The following KHDRBS2 variants were observed in gnomAD, a reference collection of about 807,000 sequenced individuals.
KHDRBS2 encodes the protein KH RNA binding domain containing, signal transduction associated 2, also known as KH domain-containing, RNA-binding, signal transduction-associated protein 2.
A neutral mutation model predicts 44.3 loss-of-function variants in KHDRBS2; 26 were observed. The observed-to-expected ratio is 0.59, with a 90% CI of 0.43 to 0.81. The LOEUF is 0.81. KHDRBS2 is among the 40% of genes least tolerant of loss of function. KHDRBS2 has a pLI of 0.00. For synonymous variants in KHDRBS2, 194 were observed against 151.1 expected, an observed-to-expected ratio of 1.28 and a Z score of -2.08; for missense variants, 476 against 433.1, an observed-to-expected ratio of 1.10 and a Z score of -0.88.
At chr6:61,990,441 C>T (rs1775912958) in intron 3 of KHDRBS2, among the ~76,000 whole-genome samples, 1 of 151,902 alleles carries the variant, frequency 6.6e-6, no homozygotes, top group East Asian at 1.9e-4. Flanking sequence ...TTATTTAATT[C>T]CACACTTAAT....
intron 1 of KHDRBS2, among the ~76,000 whole-genome samples, chr6:62,283,867 A>G (rs1842124624): frequency 6.6e-6 from 1 of 152,054 alleles, no homozygotes; most frequent in South Asian, 2.1e-4. Context: ...CTCTTTAGGT[A>G]CTCCAAGATT....
the KHDRBS2 span, among the ~76,000 whole-genome samples, chr6:61,633,878 G>T: frequency 6.6e-6 from 1 of 151,872 alleles, no homozygotes; most frequent in Admixed American, 6.6e-5. Flanking sequence ...TCTCAAAAAG[G>T]ACTTACATAA....
chr6:62,176,827 T>A (rs209016), intron 2 of KHDRBS2, among the ~76,000 whole-genome samples: 1 of 151,096 alleles, frequency 6.6e-6, no homozygotes, highest in Non-Finnish European at 1.5e-5. Flanking sequence ...TATTTAGTAT[T>A]ATTAACTCTA....
intron 2 of KHDRBS2, among the ~76,000 whole-genome samples, chr6:62,120,185 A>T (rs958453028): frequency 5.3e-5 from 8 of 152,182 alleles, no homozygotes; most frequent in African/African-American, 1.9e-4. Context: ...AAATAGGAAT[A>T]AAAAGGTGGC....
the KHDRBS2 span, among the ~76,000 whole-genome samples, chr6:61,654,339 T>C: frequency 6.6e-6 from 1 of 151,916 alleles, no homozygotes; most frequent in Non-Finnish European, 1.5e-5. Context: ...ATCTCAGGAA[T>C]ATAGTGCAGA....
intron 2 of KHDRBS2, among the ~76,000 whole-genome samples, chr6:62,088,138 C>T (rs1370062531): frequency 3.3e-5 from 5 of 152,152 alleles, no homozygotes; most frequent in African/African-American, 1.2e-4. Context: ...TGGGTTAGAA[C>T]ATGCTCCTTT....
At chr6:62,281,428 T>C (rs1585604024) in intron 1 of KHDRBS2, among the ~76,000 whole-genome samples, 1 of 152,078 alleles carries the variant, frequency 6.6e-6, no homozygotes, top group East Asian at 1.9e-4. Flanking sequence ...GAGACCAGCC[T>C]GGCCAACATG....
intron 2 of KHDRBS2, among the ~76,000 whole-genome samples, chr6:62,153,842 G>T (rs969858447): frequency 4.6e-5 from 7 of 152,050 alleles, no homozygotes; most frequent in Non-Finnish European, 8.8e-5. Context: ...CTCCATCCAG[G>T]CTTTGCCTAA....
intron 6 of KHDRBS2, among the ~76,000 whole-genome samples, chr6:61,894,226 C>T (rs1049043413): frequency 3.3e-5 from 5 of 152,060 alleles, no homozygotes; most frequent in African/African-American, 4.8e-5. Flanking sequence ...ACCAGCCACA[C>T]GGTCTTACAA....
chr6:61,676,090 T>TA (rs1465985792), downstream of KHDRBS2, among the ~76,000 whole-genome samples: 1 of 151,808 alleles, frequency 6.6e-6, no homozygotes, highest in East Asian at 2.0e-4. Flanking sequence ...TGTTTCCTGA[T>TA]ACTGACAAGA....
the KHDRBS2 span, among the ~76,000 whole-genome samples, chr6:61,556,655 A>G: frequency 6.6e-6 from 1 of 152,090 alleles, no homozygotes; most frequent in Non-Finnish European, 1.5e-5. Context: ...TCAGGAAAAT[A>G]TGGAGTTTAA....
intron 1 of KHDRBS2, among the ~76,000 whole-genome samples, chr6:62,180,650 T>A (rs1186345094): frequency 6.6e-6 from 1 of 151,818 alleles, no homozygotes; most frequent in Admixed American, 6.6e-5. Context: ...TCAATCTCTG[T>A]CAAAATCCCA....
intron 1 of KHDRBS2, among the ~76,000 whole-genome samples, chr6:62,266,819 T>C (rs1284445253): frequency 1.3e-5 from 2 of 152,018 alleles, no homozygotes; most frequent in African/African-American, 4.8e-5. Context: ...CTCCGAGGAT[T>C]AGTAGAGTTT....
At chr6:62,199,253 G>C (rs1409849095) in intron 1 of KHDRBS2, among the ~76,000 whole-genome samples, 1 of 152,096 alleles carries the variant, frequency 6.6e-6, no homozygotes, top group Admixed American at 6.6e-5. Flanking sequence ...TCAGGCAGGA[G>C]AAGGAAATAA....
intron 6 of KHDRBS2, among the ~76,000 whole-genome samples, chr6:61,840,632 C>T: frequency 2.0e-5 from 3 of 151,906 alleles, no homozygotes; most frequent in Admixed American, 2.0e-4. Flanking sequence ...GAGAGAGGGA[C>T]AGTGACATTT....
intron 6 of KHDRBS2, among the ~76,000 whole-genome samples, chr6:61,799,412 TTAA>T (rs1331166952): frequency 6.6e-6 from 1 of 151,968 alleles, no homozygotes; most frequent in Non-Finnish European, 1.5e-5. Context: ...CATGATTTTG[TTAA>T]TAATGTATAT....
chr6:61,784,772 C>T (rs1172700072), intron 6 of KHDRBS2, among the ~76,000 whole-genome samples: 4 of 151,972 alleles, frequency 2.6e-5, no homozygotes, highest in Admixed American at 2.0e-4. Context: ...TACATGTATC[C>T]GTACAGTAAT....
chr6:61,648,995 G>T, the KHDRBS2 span, among the ~76,000 whole-genome samples: 1 of 152,058 alleles, frequency 6.6e-6, no homozygotes, highest in South Asian at 2.1e-4. Context: ...TTTTGTAGGG[G>T]ATTTTGTGGT....
chr6:62,231,167 A>G, intron 1 of KHDRBS2, among the ~76,000 whole-genome samples: 1 of 152,210 alleles, frequency 6.6e-6, no homozygotes, highest in Non-Finnish European at 1.5e-5. Context: ...AGAGATCCAA[A>G]TGTACACACA....
Sources: allele counts gnomAD v4.1 joint callset (sites outside exome capture counted in the v4.1 genomes callset), GRCh38; gene constraint gnomAD v4.1.1; transcripts MANE v1.5; gene names NCBI Gene and HGNC (gene_info 2026-07-23, HGNC 2026-07-21).